Variants in FAT3 observed in about 807,000 individuals in gnomAD.
The protein encoded by FAT3 is protocadherin Fat 3.
In FAT3, 95 loss-of-function variants were observed where a neutral mutation model predicts 310.2. That is an observed-to-expected ratio of 0.31 (90% confidence interval 0.26 to 0.36). The LOEUF (loss-of-function observed/expected upper bound fraction) is 0.36. Ranked by LOEUF, FAT3 falls within the 10% of genes least tolerant of loss-of-function variation. The pLI is 1.00. For synonymous variants in FAT3, 2,314 were observed against 2,192.9 expected (o/e 1.06, Z -1.54); for missense variants, 5,408 against 5,715.6 (o/e 0.95, Z 1.74).
intron 3 of FAT3, among the ~76,000 whole-genome samples, chr11:92,592,159 A>G (rs1232521913): frequency 5.9e-5 from 9 of 152,192 alleles, no homozygotes; most frequent in Non-Finnish European, 4.4e-5. Context: ...CTGTAAACCT[A>G]GAAGTGTTCT....
chr11:92,326,873 A>G (rs1947782848), intron 1 of FAT3, among the ~76,000 whole-genome samples: 1 of 152,220 alleles, frequency 6.6e-6, no homozygotes, highest in Non-Finnish European at 1.5e-5. Flanking sequence ...GTAAAAGTAT[A>G]ATAATTCTTT....
chr11:92,639,551 G>A (rs557636612), intron 3 of FAT3, among the ~76,000 whole-genome samples: 7 of 152,004 alleles, frequency 4.6e-5, no homozygotes, highest in African/African-American at 7.2e-5. Flanking sequence ...TAACTTACCT[G>A]GCCTGCCCAC....
chr11:92,621,983 C>G (rs1941108658), intron 3 of FAT3, among the ~76,000 whole-genome samples: 1 of 152,094 alleles, frequency 6.6e-6, no homozygotes, highest in African/African-American at 2.4e-5. Flanking sequence ...ATGTTTAGAT[C>G]CACTGATTTA....
chr11:92,364,882 A>C lies in FAT3; in HGVS notation c.3292+9478A>C, dbSNP rs186533702. ...AATATTCTAGTTGGTTTTAAAAAGCAGTATACTGGTGAGAATAATACTGAG... is the reference window on the plus strand; with the variant it reads ...AATATTCTAGTTGGTTTTAAAAAGCCGTATACTGGTGAGAATAATACTGAG... On this transcript the variant is annotated intron_variant, in intron 2 of 27. Transcript: ENST00000525166. Among the ~76,000 whole-genome samples the C allele has an allele frequency of 2.1e-4, 32 of 152,348 alleles. No homozygotes were observed. The East Asian group carries it at 5.2e-3, about 25-fold the overall frequency.
chr11:92,467,772 T>C (rs1951804174), intron 2 of FAT3, among the ~76,000 whole-genome samples: 1 of 152,172 alleles, frequency 6.6e-6, no homozygotes, highest in African/African-American at 2.4e-5. Flanking sequence ...GCATTTCTGT[T>C]TTTGAACATT....
intron 7 of FAT3, among the ~76,000 whole-genome samples, chr11:92,774,901 A>C (rs1591715747): frequency 6.6e-6 from 1 of 152,326 alleles, no homozygotes; most frequent in East Asian, 1.9e-4. Context: ...TGGGCTTCTC[A>C]TGTGGCTTAG....
At chr11:92,228,275 C>G (rs1864008056) in intron 1 of FAT3, among the ~76,000 whole-genome samples, 1 of 152,106 alleles carries the variant, frequency 6.6e-6, no homozygotes, top group African/African-American at 2.4e-5. Flanking sequence ...ATCTTTCTTT[C>G]AAATTTTATT....
intron 4 of FAT3, among the ~76,000 whole-genome samples, chr11:92,701,281 A>G (rs963264219): frequency 1.3e-5 from 2 of 152,182 alleles, no homozygotes; most frequent in African/African-American, 4.8e-5. Flanking sequence ...TGCTATCCCC[A>G]TGGTAGAAAG....
intron 3 of FAT3, among the ~76,000 whole-genome samples, chr11:92,566,721 A>G (rs974180670): frequency 2.6e-5 from 4 of 151,880 alleles, no homozygotes; most frequent in African/African-American, 9.7e-5. Context: ...CAGAGCCCTC[A>G]GAAATAACAC....
At chr11:92,350,903 A>G (rs1051380994) in intron 1 of FAT3, among the ~76,000 whole-genome samples, 2 of 152,174 alleles carry the variant, frequency 1.3e-5, no homozygotes, top group African/African-American at 4.8e-5. Flanking sequence ...ATAAGACTGG[A>G]TGGAAGAACT....
chr11:92,660,201 G>C (rs1942733364), intron 3 of FAT3, among the ~76,000 whole-genome samples: 1 of 151,334 alleles, frequency 6.6e-6, no homozygotes, highest in Non-Finnish European at 1.5e-5. Context: ...TATTATTATT[G>C]GCAAACTGAA....
At chr11:92,258,916 G>A (rs1865423956) in intron 1 of FAT3, among the ~76,000 whole-genome samples, 1 of 151,916 alleles carries the variant, frequency 6.6e-6, no homozygotes, top group Non-Finnish European at 1.5e-5. Context: ...AGAGTGGGAT[G>A]GAGAGGAAGA....
At chr11:92,415,672 G>T (rs1053997249) in intron 2 of FAT3, among the ~76,000 whole-genome samples, 1 of 151,986 alleles carries the variant, frequency 6.6e-6, no homozygotes, top group Non-Finnish European at 1.5e-5. Context: ...GCCAGCAGAT[G>T]GTTCAAAGCA....
intron 3 of FAT3, among the ~76,000 whole-genome samples, chr11:92,625,678 G>A (rs927360301): frequency 2.0e-5 from 3 of 152,064 alleles, no homozygotes; most frequent in Non-Finnish European, 1.5e-5. Context: ...GTTTTATGGG[G>A]TGAGGTAGGG....
chr11:92,461,098 G>A (rs1414803511), intron 2 of FAT3, among the ~76,000 whole-genome samples: 1 of 152,188 alleles, frequency 6.6e-6, no homozygotes, highest in Admixed American at 6.5e-5. Flanking sequence ...ATCATGGGTT[G>A]CATTAATTTT....
intron 1 of FAT3, among the ~76,000 whole-genome samples, chr11:92,321,928 C>T (rs1947630112): frequency 6.6e-6 from 1 of 152,112 alleles, no homozygotes; most frequent in Non-Finnish European, 1.5e-5. Context: ...GGTGATTGTT[C>T]AAGTAAAAGT....
chr11:92,330,131 ATTGT>A (rs1222772626), intron 1 of FAT3, among the ~76,000 whole-genome samples: 2 of 152,220 alleles, frequency 1.3e-5, no homozygotes, highest in Non-Finnish European at 2.9e-5. Context: ...CTTCCTAGAG[ATTGT>A]TTAAGACCTT....
Position 92,857,100 on chromosome 11 carries a change from C to T in FAT3, c.11366-114C>T, listed in dbSNP as rs975883888. On this transcript the variant is annotated intron_variant, in intron 19 of 27. Coordinates refer to ENST00000525166, the MANE Select transcript of FAT3 (RefSeq NM_001367949.2). Reference sequence around the variant, plus strand: ...TCTTTGTGACTCAGCTCAGAGCCCACATATCCCAGCTCTTGAGCCATTTGT... The same window carrying T: ...TCTTTGTGACTCAGCTCAGAGCCCATATATCCCAGCTCTTGAGCCATTTGT... The T allele has an allele frequency of 1.4e-5, 21 of 1,484,618 alleles. No homozygotes were observed. The Admixed American group carries it at 3.0e-4, about 21-fold the overall frequency. 92.0% of individuals were successfully genotyped at this position (1,484,618 alleles called of 1,614,324 possible). A position where few individuals can be genotyped will look rare whatever the true frequency, so the allele number is the denominator to read the frequency against.
At chr11:92,227,633 G>A (rs1159689265) in intron 1 of FAT3, among the ~76,000 whole-genome samples, 1 of 152,144 alleles carries the variant, frequency 6.6e-6, no homozygotes, top group Non-Finnish European at 1.5e-5. Context: ...AATCTGAGAA[G>A]GAAAGGAAGG....
Sources: allele counts gnomAD v4.1 joint callset (sites outside exome capture counted in the v4.1 genomes callset), GRCh38; gene constraint gnomAD v4.1.1; transcripts MANE v1.5; gene names NCBI Gene and HGNC (gene_info 2026-07-23, HGNC 2026-07-21).